Variants in TBC1D4 observed in about 807,000 individuals in gnomAD.
TBC1D4 encodes TBC1 domain family member 4.
TBC1D4 carries 121 observed loss-of-function variants against 142.5 expected under a neutral mutation model. The observed-to-expected ratio is 0.85, with a 90% CI of 0.73 to 0.99. The LOEUF is 0.99. Among genes scored for constraint, TBC1D4 ranks in the 50% least tolerant of loss-of-function variants. The pLI, the probability that TBC1D4 is intolerant of heterozygous loss-of-function variation, is 0.00. For missense variants in TBC1D4, 1,475 were observed against 1,606.6 expected, an observed-to-expected ratio of 0.92 and a Z score of 1.40; for synonymous variants, 630 against 628.2, an observed-to-expected ratio of 1.00 and a Z score of -0.04.
At position 75,338,213 on chromosome 13, in the gene TBC1D4, C is replaced by T. The variant is rs189625972; in HGVS notation, c.1612-1173G>A. Among the ~76,000 whole-genome samples the T allele has an allele frequency of 1.3e-4, 20 of 151,798 alleles. No individual in the cohort carries two copies. The East Asian group carries it at 3.3e-3, about 25-fold the overall frequency. On this transcript the variant is annotated intron_variant, in intron 7 of 20. Coordinates refer to ENST00000377636, the MANE Select transcript of TBC1D4 (RefSeq NM_014832.5). ...ATGTAGGAGGCAATAAGGGCCCACA[C>T]TAGCACCAGCTCCATCAAATCAGTT...
chr13:75,472,428 A>T (rs1423614893), intron 1 of TBC1D4, among the ~76,000 whole-genome samples: 1 of 152,156 alleles, frequency 6.6e-6, no homozygotes, highest in East Asian at 1.9e-4. Context: ...CAGAGAAAAA[A>T]AATAAAAATA....
chr13:75,459,856 A>C (rs576557742), intron 1 of TBC1D4, among the ~76,000 whole-genome samples: 3 of 152,202 alleles, frequency 2.0e-5, no homozygotes, highest in Admixed American at 2.0e-4. Flanking sequence ...TAAATAATAC[A>C]TATTGGCAAG....
At chr13:75,402,340 G>A (rs529970200) in intron 1 of TBC1D4, among the ~76,000 whole-genome samples, 9 of 152,052 alleles carry the variant, frequency 5.9e-5, no homozygotes, top group Non-Finnish European at 1.0e-4. Context: ...CCATCTCCCC[G>A]GGGATACACC....
At chr13:75,463,592 C>T (rs1219989206) in intron 1 of TBC1D4, among the ~76,000 whole-genome samples, 2 of 152,174 alleles carry the variant, frequency 1.3e-5, no homozygotes, top group Admixed American at 1.3e-4. Context: ...ATCACCCTTC[C>T]TACCTGCCCC....
At chr13:75,457,950 A>G (rs1887807438) in intron 1 of TBC1D4, among the ~76,000 whole-genome samples, 1 of 152,178 alleles carries the variant, frequency 6.6e-6, no homozygotes, top group Non-Finnish European at 1.5e-5. Context: ...TGCAGGAGCC[A>G]GGGTAAGCGC....
At chr13:75,448,688 C>T (rs551057003) in intron 1 of TBC1D4, among the ~76,000 whole-genome samples, 3 of 151,746 alleles carry the variant, frequency 2.0e-5, no homozygotes, top group Non-Finnish European at 2.9e-5. Flanking sequence ...TAACCAAACA[C>T]CGTAGATGAA....
chr13:75,438,148 G>C (rs1236537039), intron 1 of TBC1D4, among the ~76,000 whole-genome samples: 1 of 152,136 alleles, frequency 6.6e-6, no homozygotes, highest in Non-Finnish European at 1.5e-5. Context: ...TCCACCTGTT[G>C]AATTCTCCTA....
intron 17 of TBC1D4, 75 bp from the exon 18 acceptor site, chr13:75,295,088 T>G (rs1161897957): frequency 1.2e-5 from 16 of 1,349,322 alleles, no homozygotes; most frequent in Non-Finnish European, 1.7e-5. Context: ...GATTTTAATT[T>G]TATTCTAATA....
chr13:75,434,736 A>G (rs1886727935), intron 1 of TBC1D4, among the ~76,000 whole-genome samples: 1 of 152,142 alleles, frequency 6.6e-6, no homozygotes, highest in Admixed American at 6.6e-5. Flanking sequence ...ACCTATAAAA[A>G]GAATATAAGT....
rs1479865828 is a variant in TBC1D4 at position 75,337,044 on chromosome 13, A to G, written c.1612-4T>C. ...GGATTGTACTATTTGAAATAGTCTA[A>G]AAAAAGAAAAACAGATACATTTTAG... On this transcript the variant is annotated splice_polypyrimidine_tract_variant and splice_region_variant and intron_variant, in intron 7 of 20. Coordinates refer to ENST00000377636, the MANE Select transcript of TBC1D4 (RefSeq NM_014832.5). The G allele has an allele frequency of 6.2e-7, 1 of 1,611,832 alleles. No homozygotes were observed. The highest frequency in any genetic ancestry group is 1.3e-5 in the African/African-American group (1 of 74,866).
intron 1 of TBC1D4, among the ~76,000 whole-genome samples, chr13:75,378,576 A>AT (rs1883647504): frequency 6.6e-6 from 1 of 152,158 alleles, no homozygotes; most frequent in East Asian, 1.9e-4. Flanking sequence ...AGGAGTTAGC[A>AT]TAATGAAGGG....
At chr13:75,417,084 T>C (rs1195416192) in intron 1 of TBC1D4, among the ~76,000 whole-genome samples, 4 of 152,194 alleles carry the variant, frequency 2.6e-5, no homozygotes, top group Non-Finnish European at 5.9e-5. Context: ...TGGTCCACTG[T>C]TAGCAGGAAA....
Position 75,292,209 on chromosome 13 carries a change from G to A in TBC1D4, c.3379C>T (p.Gln1127Ter), listed in dbSNP as rs1381054609. Residue 1127 changes from glutamine (Q) to a stop codon, truncating the protein, a stop_gained, in exon 19 of 21, where the codon CAA (glutamine) becomes TAA (stop). Coordinates refer to ENST00000377636, the MANE Select transcript of TBC1D4 (RefSeq NM_014832.5). LOFTEE classifies it high-confidence loss of function. ...FKVALSLLSS[Q>*]ETLIMECESF... is the part of the protein sequence containing the mutation. ...TCACATTCCATTATAAGTGTCTCTT[G>A]GCTGCTCAGTAGGCTGAGTGCAACC... 2.5e-6 allele frequency: 4 copies of A among 1,613,368 alleles called. No individual in the cohort carries two copies. The highest frequency in any genetic ancestry group is 3.4e-6 in the Non-Finnish European group (4 of 1,179,662).
At chr13:75,385,267 C>T (rs1315637470) in intron 1 of TBC1D4, among the ~76,000 whole-genome samples, 2 of 152,198 alleles carry the variant, frequency 1.3e-5, no homozygotes, top group Non-Finnish European at 2.9e-5. Flanking sequence ...TCTTCCTCTC[C>T]CACAGATGTG....
intron 1 of TBC1D4, among the ~76,000 whole-genome samples, chr13:75,460,044 G>A (rs1484875475): frequency 6.6e-6 from 1 of 152,148 alleles, no homozygotes; most frequent in East Asian, 1.9e-4. Context: ...TTGGGAGGCT[G>A]AGGCAGGAGA....
chr13:75,442,553 G>A (rs1887087668), intron 1 of TBC1D4, among the ~76,000 whole-genome samples: 1 of 152,086 alleles, frequency 6.6e-6, no homozygotes, highest in South Asian at 2.1e-4. Flanking sequence ...GGCCGAGGCA[G>A]GCAGATCACA....
chr13:75,377,649 T>C (rs185774059), intron 1 of TBC1D4, among the ~76,000 whole-genome samples: 212 of 149,002 alleles, frequency 1.4e-3, no homozygotes, highest in African/African-American at 4.9e-3. Flanking sequence ...CCCAAAAATA[T>C]ATATTATATA....
intron 15 of TBC1D4, among the ~76,000 whole-genome samples, chr13:75,303,892 T>A (rs981577709): frequency 1.1e-4 from 16 of 152,332 alleles, no homozygotes; most frequent in African/African-American, 3.8e-4. Context: ...TCGCTTGACT[T>A]CCCATTGTAC....
chr13:75,400,667 C>T (rs1313336894), intron 1 of TBC1D4, among the ~76,000 whole-genome samples: 4 of 150,898 alleles, frequency 2.7e-5, no homozygotes, highest in Non-Finnish European at 2.9e-5. Context: ...GGGGTTTCAC[C>T]GTGTTAGCCA....
Sources: allele counts gnomAD v4.1 joint callset (sites outside exome capture counted in the v4.1 genomes callset), GRCh38; gene constraint gnomAD v4.1.1; transcripts MANE v1.5; gene names NCBI Gene and HGNC (gene_info 2026-07-23, HGNC 2026-07-21).